Variants in TKTL1 observed in about 807,000 individuals in gnomAD.
TKTL1 encodes transketolase-like protein 1.
In TKTL1, 1 loss-of-function variant was observed where a neutral mutation model predicts 39.3. That is an observed-to-expected ratio of 0.03 (90% CI 0.01 to 0.12). TKTL1 has a LOEUF of 0.12. Ranked by LOEUF, TKTL1 falls within the 10% of genes least tolerant of loss-of-function variation. TKTL1 has a pLI of 1.00. For missense variants in TKTL1, 575 were observed against 509.6 expected (o/e 1.13, Z -1.24); for synonymous variants, 262 against 193.8 (o/e 1.35, Z -2.92).
At chrX:154,300,778 C>T (rs781807809) in intron 1 of TKTL1, among the ~76,000 whole-genome samples, 1 of 110,940 alleles carries the variant, frequency 9.0e-6, no homozygotes, top group East Asian at 2.8e-4. Context: ...CTCGCTGCAA[C>T]CTCCACCTCC....
At chrX:154,312,955 A>T (rs1272879815) in intron 6 of TKTL1, among the ~76,000 whole-genome samples, 182 bp downstream of exon 6, 1 of 111,933 alleles carries the variant, frequency 8.9e-6, no homozygotes, top group Non-Finnish European at 1.9e-5. Context: ...TTTAAAAAAT[A>T]CATTTAGGGG....
intron 2 of TKTL1, among the ~76,000 whole-genome samples, 179 bp from the exon 3 acceptor site, chrX:154,309,166 C>T (rs73629158): frequency 0.01 from 1,112 of 110,752 alleles, 11 homozygotes; most frequent in African/African-American, 0.033. Flanking sequence ...TAACGTTGAT[C>T]GGAAGCTTGG....
Position 154,315,203 on chromosome X carries a change from C to T in TKTL1, c.895C>T (p.Leu299=). ...TACTCGGAAAGCATGCGGTCTGGCT[C>T]TGGCTAAGCTGGGCTACGCGAACAA... is the stretch of plus-strand genomic sequence containing the variant. ...IATRKACGLA[L]AKLGYANNRV... The change falls in exon 7 of 13, where the codon CTG becomes TTG. Residue 299 remains leucine (L), a synonymous_variant. Transcript: ENST00000369915. 1 of 1,211,536 alleles carries T rather than the reference C, an allele frequency of 8.3e-7. No individual in the cohort carries two copies. The highest frequency in any genetic ancestry group is 3.0e-5 in the East Asian group (1 of 33,852).
In TKTL1 at chrX:154,305,316, A is replaced by G. The variant is rs1557166998; in HGVS notation, c.147A>G (p.Ser49=). 3 of 1,207,402 alleles carry G rather than the reference A, an allele frequency of 2.5e-6. No homozygotes were observed. The highest frequency in any genetic ancestry group is 1.8e-5 in the South Asian group (1 of 56,896). ...GTCTGTCTTTCAGCCACCCTACATC[A>G]TGTAGCAGTTCTTCTGAGATCATGT... The part of the protein sequence containing the change: ...TCSTSSGHPT[S]CSSSSEIMSV... Residue 49 remains serine (S), a synonymous_variant, in exon 2 of 13, where the codon TCA becomes TCG. Transcript: ENST00000369915.
chrX:154,319,906 T>C (rs782418277), intron 7 of TKTL1, among the ~76,000 whole-genome samples: 6 of 111,927 alleles, frequency 5.4e-5, no homozygotes, highest in Non-Finnish European at 7.5e-5. Flanking sequence ...TTTGAAGCCT[T>C]CTGGGGTATT....
intron 8 of TKTL1, among the ~76,000 whole-genome samples, chrX:154,321,662 C>T (rs1235481611): frequency 9.3e-6 from 1 of 107,707 alleles, no homozygotes; most frequent in Non-Finnish European, 1.9e-5. Flanking sequence ...ACAGAAATGA[C>T]ATGGGAAAGA....
chrX:154,301,755 C>CTTTTTTT, intron 1 of TKTL1, among the ~76,000 whole-genome samples: 1 of 90,521 alleles, frequency 1.1e-5, no homozygotes. Context: ...CATTTTCTTT[C>CTTTTTTT]TTTTTTTTTT....
At chrX:154,329,101 A>G (rs2067517557) in intron 12 of TKTL1, among the ~76,000 whole-genome samples, 1 of 112,265 alleles carries the variant, frequency 8.9e-6, no homozygotes, top group Admixed American at 9.4e-5. Context: ...TGTCAACCAC[A>G]TTGTTCCTAC....
Position 154,299,149 on chromosome X carries a change from CTTTTTTTTT to C in TKTL1, c.134+3171_134+3179del, listed in dbSNP as rs1180562974. 3.9e-4 allele frequency among the ~76,000 whole-genome samples: 14 copies of C among 35,913 alleles called. No homozygotes were observed. The East Asian group carries it at 0.011, about 29-fold the overall frequency. 31.2% of individuals were successfully genotyped at this position (35,913 alleles called of 115,157 possible). A position where few individuals can be genotyped will look rare whatever the true frequency, so the allele number is the denominator to read the frequency against. On this transcript the variant is annotated intron_variant, in intron 1 of 12. Transcript: ENST00000369915. ...GGGATTTTTCATTTTCTTTTTCTTT[CTTTTTTTTT>C]TTTTTTTTTTTTTTGAGACGGAGTT... is the stretch of plus-strand genomic sequence containing the variant.
chrX:154,310,957 C>A lies in TKTL1; in HGVS notation c.472C>A (p.Leu158Met). ...TGTGGCAATCTTTGATGTGAACCGC[C>A]TGGGACACAGTGGTGCATTGCCCGC... ...NLVAIFDVNR[L>M]GHSGALPAEH... Residue 158 changes from leucine (L) to methionine (M), a missense_variant, in exon 4 of 13, where the codon CTG becomes ATG. By Grantham distance (15) the Leu-to-Met change is conservative. Transcript: ENST00000369915. The A allele has an allele frequency of 8.2e-7, 1 of 1,212,126 alleles. No individual in the cohort carries two copies. The highest frequency in any genetic ancestry group is 1.8e-5 in the South Asian group (1 of 57,023).
chrX:154,301,287 G>A (rs1457402430), intron 1 of TKTL1, among the ~76,000 whole-genome samples: 1 of 109,881 alleles, frequency 9.1e-6, no homozygotes, highest in East Asian at 2.9e-4. Flanking sequence ...AGGCTGAGGT[G>A]GGGTGGATCA....
At chrX:154,319,408 C>T (rs2067430724) in intron 7 of TKTL1, among the ~76,000 whole-genome samples, 1 of 111,629 alleles carries the variant, frequency 9.0e-6, no homozygotes, top group Admixed American at 9.5e-5. Flanking sequence ...GAGAGCATGC[C>T]CTTTGGGGAT....
At chrX:154,301,524 A>C (rs994899762) in intron 1 of TKTL1, among the ~76,000 whole-genome samples, 2 of 112,075 alleles carry the variant, frequency 1.8e-5, no homozygotes, top group Non-Finnish European at 3.8e-5. Flanking sequence ...CTCAAAAAAT[A>C]AATAAATAAA....
intron 1 of TKTL1, among the ~76,000 whole-genome samples, chrX:154,304,445 T>A (rs782269614): frequency 1.1e-3 from 124 of 110,056 alleles, no homozygotes; most frequent in Non-Finnish European, 1.9e-3. Context: ...GCTTTTTTTT[T>A]ATCAGGCTGG....
Position 154,305,304 on chromosome X carries a change from C to T in TKTL1, c.135C>T (p.Gly45=). The change falls in exon 2 of 13, where the codon GGC becomes GGT. Residue 45 remains glycine, a splice_region_variant and synonymous_variant. Coordinates refer to ENST00000369915, the MANE Select transcript of TKTL1 (RefSeq NM_012253.4). ...GACCAGTGTCATGTCTGTCTTTCAG[C>T]CACCCTACATCATGTAGCAGTTCTT... The part of the protein sequence containing the change: ...SIRATCSTSS[G]HPTSCSSSSE... 1.7e-6 allele frequency: 2 copies of T among 1,204,242 alleles called. No individual in the cohort carries two copies. Among genetic ancestry groups the T allele is most frequent in the Non-Finnish European group, 2.2e-6 (2 of 889,461 alleles).
rs1045929125 is a variant in TKTL1, at chrX:154,312,597, A to G, written c.688A>G (p.Ser230Gly). The G allele has an allele frequency of 4.1e-6, 5 of 1,209,001 alleles. No individual in the cohort carries two copies. The highest frequency in any genetic ancestry group is 2.2e-5 in the Admixed American group (1 of 45,492). ...CATTACAGGTATTGAGGATGCAGAA[A>G]GTTGGCATGCAAAGCCAATGCCGAG... ...RGTPSIEDAE[S>G]WHAKPMPRER... Residue 230 changes from serine to glycine, a missense_variant, in exon 6 of 13, where the codon AGT becomes GGT. By Grantham distance (56) the Ser-to-Gly change is moderately conservative. Transcript: ENST00000369915.
chrX:154,320,526 AAG>A (rs377474641), intron 7 of TKTL1: 102 of 403,584 alleles, frequency 2.5e-4, no homozygotes, highest in African/African-American at 2.2e-3. Flanking sequence ...GAGGGCAGGC[AAG>A]AGAGTCTCAT....
rs111906688 is a variant in TKTL1, at chrX:154,298,699, G to GAA, written c.134+2714_134+2715dup. ...ACAAACTGAGACCCTGTCTCAAAAA[G>GAA]AAAAAAAAATTGGTTTCATTAAATT... On this transcript the variant is annotated intron_variant, in intron 1 of 12. Coordinates refer to ENST00000369915, the MANE Select transcript of TKTL1 (RefSeq NM_012253.4). 1.2e-3 allele frequency among the ~76,000 whole-genome samples: 132 copies of GAA among 107,970 alleles called. 1 individual carries two copies. The highest frequency in any genetic ancestry group is 4.3e-3 in the African/African-American group (127 of 29,360). 93.8% of individuals were successfully genotyped at this position (107,970 alleles called of 115,157 possible).
At chrX:154,306,078 G>A (rs2067312597) in intron 2 of TKTL1, among the ~76,000 whole-genome samples, 1 of 110,362 alleles carries the variant, frequency 9.1e-6, no homozygotes, top group Admixed American at 9.7e-5. Flanking sequence ...AGACTGAGGT[G>A]GGTGGATCAC....
Sources: gnomAD v4.1 joint callset for allele counts (sites outside exome capture counted in the v4.1 genomes callset) on GRCh38, gnomAD v4.1.1 for gene constraint, MANE v1.5 for transcripts, NCBI Gene and HGNC (gene_info 2026-07-23, HGNC 2026-07-21) for gene names.